TM9SF4: variants seen among roughly 807,000 people sequenced by gnomAD.
TM9SF4 encodes the protein dinucleotide oxidase disulfide thiol exchanger 3 superfamily member 4.
In TM9SF4, 26 loss-of-function variants were observed where a neutral mutation model predicts 90.4. That is an observed-to-expected ratio of 0.29 (90% CI 0.21 to 0.40). The LOEUF (loss-of-function observed/expected upper bound fraction) is 0.40, where lower values mean the gene tolerates loss of function less well. Among genes scored for constraint, TM9SF4 ranks in the 10% least tolerant of loss-of-function variants. TM9SF4 has a pLI of 1.00. For missense variants in TM9SF4, 549 were observed against 834.8 expected, an observed-to-expected ratio of 0.66 and a Z score of 4.22; for synonymous variants, 293 against 315.4, an observed-to-expected ratio of 0.93 and a Z score of 0.75.
At chr20:32,136,432 G>A (rs1341763144) in intron 3 of TM9SF4, among the ~76,000 whole-genome samples, 1 of 152,178 alleles carries the variant, frequency 6.6e-6, no homozygotes, top group East Asian at 1.9e-4. Flanking sequence ...AACAGCCAGA[G>A]TGATCTTTGT....
intron 3 of TM9SF4, among the ~76,000 whole-genome samples, chr20:32,141,182 A>T (rs891482640): frequency 4.4e-5 from 6 of 136,066 alleles, no homozygotes; most frequent in African/African-American, 1.7e-4. Context: ...GTGCCACTGC[A>T]CTCCAGCCTG....
intron 1 of TM9SF4, among the ~76,000 whole-genome samples, chr20:32,123,866 A>ATATATATATATATTTATATTTTTTT: frequency 1.1e-5 from 1 of 93,980 alleles, no homozygotes; most frequent in African/African-American, 4.6e-5. Flanking sequence ...ATATATATAT[A>ATATATATATATATTTATATTTTTTT]TTTTTTTTTT....
At chr20:32,161,052 A>G (rs923572584) in intron 16 of TM9SF4, 4 of 325,448 alleles carry the variant, frequency 1.2e-5, no homozygotes, top group African/African-American at 8.7e-5. Flanking sequence ...TTTTTTTTTA[A>G]TGAGGTATAA....
chr20:32,149,091 C>T (rs1041557626), intron 9 of TM9SF4, among the ~76,000 whole-genome samples: 5 of 152,102 alleles, frequency 3.3e-5, no homozygotes, highest in Non-Finnish European at 4.4e-5. Context: ...TTAAAGCATA[C>T]ATATACACAT....
rs2046739230 is a variant in TM9SF4 at position 32,144,896 on chromosome 20, C to T, written c.653-195C>T. The stretch of plus-strand genomic sequence containing the variant: ...CCATTGTCTGCGTGACAGGGCAAAA[C>T]TCTATCTCTAAAAAAATAAGGTTTA... On this transcript the variant is annotated intron_variant, in intron 6 of 17. Coordinates refer to ENST00000398022, the MANE Select transcript of TM9SF4 (RefSeq NM_014742.4). Among the ~76,000 whole-genome samples the T allele has an allele frequency of 2.0e-5, 3 of 152,244 alleles. No individual in the cohort carries two copies. The South Asian group carries it at 6.2e-4, about 32-fold the overall frequency.
chr20:32,126,108 G>C (rs1464723632), intron 1 of TM9SF4, among the ~76,000 whole-genome samples: 4 of 65,174 alleles, frequency 6.1e-5, no homozygotes, highest in Non-Finnish European at 2.8e-5. Flanking sequence ...CACACACACA[G>C]TAGCCAGAGT....
chr20:32,149,516 C>G, intron 9 of TM9SF4, 118 bp from the exon 10 acceptor site: 12 of 1,335,140 alleles, frequency 9.0e-6, no homozygotes, highest in Admixed American at 2.1e-5. Context: ...CACTTACACT[C>G]CTGTGTCAGA....
chr20:32,145,240 G>A (rs949037070), intron 7 of TM9SF4, 31 bp downstream of exon 7: 1 of 1,613,494 alleles, frequency 6.2e-7, no homozygotes, highest in African/African-American at 1.3e-5. Flanking sequence ...ATGGGCAGGG[G>A]AGGAGGGCTC....
At chr20:32,112,704 AAAAAAC>A (rs2046163119) in intron 1 of TM9SF4, among the ~76,000 whole-genome samples, 1 of 151,008 alleles carries the variant, frequency 6.6e-6, no homozygotes, top group Non-Finnish European at 1.5e-5. Context: ...AAAAAAAAAA[AAAAAAC>A]AAAAAACAAA....
chr20:32,116,903 A>G (rs2046234765), intron 1 of TM9SF4, among the ~76,000 whole-genome samples: 1 of 96,432 alleles, frequency 1.0e-5, no homozygotes. Context: ...AATCTGAGGG[A>G]GCAGTTACTG....
At chr20:32,133,624 G>C (rs562268491) in intron 2 of TM9SF4, among the ~76,000 whole-genome samples, 15 of 152,258 alleles carry the variant, frequency 9.9e-5, no homozygotes, top group African/African-American at 3.4e-4. Flanking sequence ...TTTACTGAGG[G>C]TTATTTACAT....
At chr20:32,142,855 G>A (rs1363950378) in intron 5 of TM9SF4, 127 bp from the exon 6 acceptor site, 11 of 1,249,044 alleles carry the variant, frequency 8.8e-6, no homozygotes, top group East Asian at 2.5e-5. Flanking sequence ...CTGAGTAGGG[G>A]AGTGATGAGA....
chr20:32,153,162 T>C (rs1038500577), intron 12 of TM9SF4, among the ~76,000 whole-genome samples: 1 of 152,158 alleles, frequency 6.6e-6, no homozygotes. Flanking sequence ...GAGCTTCAGT[T>C]TCCCCATCTC....
At chr20:32,158,342 G>A in intron 14 of TM9SF4, 109 bp from the exon 15 acceptor site, 9 of 1,053,028 alleles carry the variant, frequency 8.5e-6, no homozygotes, top group Non-Finnish European at 1.3e-5. Flanking sequence ...AGAAGAATTA[G>A]CACCACCACA....
At chr20:32,135,404 C>T (rs1177140868) in intron 2 of TM9SF4, among the ~76,000 whole-genome samples, 6 of 152,202 alleles carry the variant, frequency 3.9e-5, no homozygotes, top group East Asian at 1.9e-4. Flanking sequence ...CCAAGGCACA[C>T]GTGGTCCTTG....
chr20:32,134,317 C>T (rs1368198302), intron 2 of TM9SF4, among the ~76,000 whole-genome samples: 1 of 152,166 alleles, frequency 6.6e-6, no homozygotes, highest in Admixed American at 6.5e-5. Context: ...CTCTCTGTAA[C>T]GTGCATTCTT....
chr20:32,130,660 A>T (rs2046497078), intron 1 of TM9SF4, among the ~76,000 whole-genome samples: 1 of 152,120 alleles, frequency 6.6e-6, no homozygotes, highest in Non-Finnish European at 1.5e-5. Context: ...AAGAAGAAAA[A>T]TCTATTTGTT....
intron 1 of TM9SF4, among the ~76,000 whole-genome samples, chr20:32,114,562 G>A (rs2046193726): frequency 6.6e-6 from 1 of 152,132 alleles, no homozygotes; most frequent in Non-Finnish European, 1.5e-5. Flanking sequence ...TGAACTCCTG[G>A]CCTCAAGCAA....
chr20:32,161,216 A>AC, intron 16 of TM9SF4, 60 bp from the exon 17 acceptor site: 1 of 1,471,162 alleles, frequency 6.8e-7, no homozygotes. Context: ...GCAACTGTGA[A>AC]ATTGGTAGGA....
Sources: allele counts gnomAD v4.1 joint callset (sites outside exome capture counted in the v4.1 genomes callset), GRCh38; gene constraint gnomAD v4.1.1; transcripts MANE v1.5; gene names NCBI Gene and HGNC (gene_info 2026-07-23, HGNC 2026-07-21).